Variants in DOK6 observed in about 807,000 individuals in gnomAD.
DOK6 encodes downstream of tyrosine kinase 6.
A neutral mutation model predicts 44.0 loss-of-function variants in DOK6; 22 were observed. The observed-to-expected ratio is 0.50, with a 90% CI of 0.36 to 0.71. DOK6 has a LOEUF of 0.71. Among genes scored for constraint, DOK6 ranks in the 30% least tolerant of loss-of-function variants. DOK6 has a pLI of 0.00. For synonymous variants in DOK6, 166 were observed against 145.5 expected, an observed-to-expected ratio of 1.14 and a Z score of -1.01; for missense variants, 340 against 416.4, an observed-to-expected ratio of 0.82 and a Z score of 1.60.
chr18:69,838,713 G>A (rs996741322), intron 7 of DOK6, among the ~76,000 whole-genome samples: 21 of 151,996 alleles, frequency 1.4e-4, no homozygotes, highest in African/African-American at 4.8e-4. Flanking sequence ...TGGTGTTCTA[G>A]CTCCAGAGAT....
intron 1 of DOK6, among the ~76,000 whole-genome samples, chr18:69,467,156 C>A (rs10513961): frequency 6.6e-6 from 1 of 151,706 alleles, no homozygotes; most frequent in African/African-American, 2.4e-5. Flanking sequence ...TGTTGTAAAC[C>A]AAAGAGGAGG....
intron 3 of DOK6, among the ~76,000 whole-genome samples, chr18:69,669,012 T>C (rs1278862625): frequency 1.3e-5 from 2 of 152,318 alleles, no homozygotes; most frequent in South Asian, 4.1e-4. Context: ...CCTGATACTG[T>C]GGCAACATGT....
chr18:69,775,525 G>A (rs2144770120), intron 7 of DOK6, among the ~76,000 whole-genome samples: 1 of 151,822 alleles, frequency 6.6e-6, no homozygotes, highest in East Asian at 1.9e-4. Flanking sequence ...GGCACATTAA[G>A]TAAACTACTA....
chr18:69,579,092 G>T (rs1366279674), intron 2 of DOK6, among the ~76,000 whole-genome samples: 1 of 152,084 alleles, frequency 6.6e-6, no homozygotes, highest in African/African-American at 2.4e-5. Context: ...GGGAACTGGG[G>T]GTTTTGAGAC....
intron 7 of DOK6, among the ~76,000 whole-genome samples, chr18:69,812,193 C>G (rs1047415749): frequency 7.2e-5 from 11 of 152,224 alleles, no homozygotes; most frequent in African/African-American, 2.6e-4. Context: ...GAGAGACCCT[C>G]TCTGTAAAAG....
chr18:69,690,112 A>G (rs1328550512), intron 4 of DOK6, among the ~76,000 whole-genome samples: 20 of 152,168 alleles, frequency 1.3e-4, no homozygotes. Context: ...TTGGAAATGC[A>G]GATAAAATCC....
chr18:69,650,294 G>C (rs754888736), intron 3 of DOK6, among the ~76,000 whole-genome samples: 3 of 152,146 alleles, frequency 2.0e-5, no homozygotes, highest in Non-Finnish European at 4.4e-5. Context: ...GTAATCTTAA[G>C]TGGGAGTTTC....
chr18:69,758,361 G>A (rs763841255), intron 7 of DOK6, among the ~76,000 whole-genome samples: 6 of 152,180 alleles, frequency 3.9e-5, no homozygotes, highest in Non-Finnish European at 5.9e-5. Context: ...TTCGGAAAGG[G>A]TGCAGGGTAG....
At chr18:69,404,962 T>A (rs546215158) in intron 1 of DOK6, among the ~76,000 whole-genome samples, 1 of 152,338 alleles carries the variant, frequency 6.6e-6, no homozygotes. Flanking sequence ...TCATTGCTAC[T>A]GAGAGTACAT....
At chr18:69,815,399 G>A (rs1018500995) in intron 7 of DOK6, among the ~76,000 whole-genome samples, 4 of 152,116 alleles carry the variant, frequency 2.6e-5, no homozygotes, top group South Asian at 2.1e-4. Flanking sequence ...GAGGAAAAAC[G>A]TTAACTACAA....
rs912311576 is a variant in DOK6 at position 69,549,042 on chromosome 18, G to A, written c.67-15445G>A. Among the ~76,000 whole-genome samples the A allele has an allele frequency of 4.7e-5, 7 of 149,208 alleles. 1 individual carries two copies. The highest frequency in any genetic ancestry group is 2.0e-4 in the Admixed American group (3 of 14,928). ...CCCCGGGTGACGGAGCCTGCAGTGA[G>A]CCAAGATCGCGCCACTGCACATCAG... is the stretch of plus-strand genomic sequence containing the variant. On this transcript the variant is annotated intron_variant, in intron 1 of 7. Transcript: ENST00000382713.
Position 69,841,334 on chromosome 18 carries a change from C to G in DOK6, c.947C>G (p.Ser316Trp). 1.2e-6 allele frequency: 2 copies of G among 1,614,154 alleles called. No individual in the cohort carries two copies. Among genetic ancestry groups the G allele is most frequent in the Middle Eastern group, 1.6e-4 (1 of 6,062 alleles). ...EQSEEAQQPL[S>W]RSSSYGFSYS... Reference sequence around the variant, plus strand: ...AGTGAAGAGGCCCAGCAGCCGTTGTCGCGGTCCAGCAGCTATGGATTCAGC... The same window carrying G: ...AGTGAAGAGGCCCAGCAGCCGTTGTGGCGGTCCAGCAGCTATGGATTCAGC... Residue 316 changes from serine to tryptophan, a missense_variant, in exon 8 of 8, where the codon TCG becomes TGG. By Grantham distance (177) the Ser-to-Trp change is radical. Around this residue, in one of 3 missense-constraint regions of DOK6, gnomAD observed 112 missense variants for 109.3 expected, o/e 1.02. Transcript: ENST00000382713.
intron 7 of DOK6, among the ~76,000 whole-genome samples, chr18:69,778,582 G>A (rs543148557): frequency 6.6e-6 from 1 of 152,278 alleles, no homozygotes; most frequent in African/African-American, 2.4e-5. Flanking sequence ...AATTGGATTG[G>A]TGATACTAAT....
intron 1 of DOK6, among the ~76,000 whole-genome samples, chr18:69,528,117 A>T (rs913342687): frequency 1.4e-5 from 2 of 145,040 alleles, no homozygotes; most frequent in Non-Finnish European, 3.0e-5. Context: ...GATCCGAGAT[A>T]GTGCCACTGC....
chr18:69,677,684 A>G (rs1985953140), intron 3 of DOK6, 50 bp from the exon 4 acceptor site: 2 of 1,609,362 alleles, frequency 1.2e-6, no homozygotes, highest in South Asian at 1.1e-5. Context: ...TTCTTCTTCC[A>G]TCATTCCTAG....
intron 3 of DOK6, among the ~76,000 whole-genome samples, chr18:69,622,496 T>G (rs1288834878): frequency 1.3e-5 from 2 of 152,228 alleles, no homozygotes; most frequent in Non-Finnish European, 2.9e-5. Context: ...CAGGATTTTT[T>G]GTTTAAGTAT....
chr18:69,452,090 C>T (rs1006645743), intron 1 of DOK6, among the ~76,000 whole-genome samples: 38 of 151,370 alleles, frequency 2.5e-4, no homozygotes, highest in Non-Finnish European at 4.3e-4. Context: ...AATAGAGACA[C>T]AAAAAACCCT....
At chr18:69,588,003 G>C (rs1160942169) in intron 2 of DOK6, among the ~76,000 whole-genome samples, 2 of 152,078 alleles carry the variant, frequency 1.3e-5, no homozygotes, top group Non-Finnish European at 2.9e-5. Flanking sequence ...ATTCTTCTCT[G>C]TAATAACTTC....
At chr18:69,836,394 G>T (rs2145136702) in intron 7 of DOK6, among the ~76,000 whole-genome samples, 1 of 152,210 alleles carries the variant, frequency 6.6e-6, no homozygotes, top group Admixed American at 6.5e-5. Context: ...TACATTTCTA[G>T]GGCATGTATA....
Sources: allele counts gnomAD v4.1 joint callset (sites outside exome capture counted in the v4.1 genomes callset), GRCh38; gene constraint gnomAD v4.1.1; regional missense constraint gnomAD v4.1.1; transcripts MANE v1.5; gene names NCBI Gene and HGNC (gene_info 2026-07-23, HGNC 2026-07-21).